The following SGCD variants were observed in gnomAD, a reference collection of about 807,000 sequenced individuals.
The protein encoded by SGCD is sarcoglycan delta.
In SGCD, 18 loss-of-function variants were observed where a neutral mutation model predicts 36.6. The observed-to-expected ratio is 0.49, with a 90% CI of 0.34 to 0.73. The LOEUF is 0.73. Among genes scored for constraint, SGCD ranks in the 30% least tolerant of loss-of-function variants. The pLI is 0.01. For missense variants in SGCD, 387 were observed against 346.7 expected, an observed-to-expected ratio of 1.12 and a Z score of -0.92; for synonymous variants, 133 against 130.6, an observed-to-expected ratio of 1.02 and a Z score of -0.12.
chr5:155,782,429 A>T, the SGCD span, among the ~76,000 whole-genome samples: 7 of 152,308 alleles, frequency 4.6e-5, no homozygotes, highest in Middle Eastern at 3.4e-3. Flanking sequence ...ACAAAACAAA[A>T]AAAACACTTC....
chr5:156,356,814 G>C (rs73815040), intron 3 of SGCD, among the ~76,000 whole-genome samples: 3,880 of 152,262 alleles, frequency 0.025, 160 homozygotes, highest in African/African-American at 0.088. Context: ...AATGACAAGT[G>C]TCCTCATAAC....
chr5:156,351,867 A>G (rs1215279626), intron 3 of SGCD, among the ~76,000 whole-genome samples: 1 of 152,084 alleles, frequency 6.6e-6, no homozygotes, highest in East Asian at 1.9e-4. Context: ...CTAGTTTGTC[A>G]TATTGTGGGG....
At chr5:156,755,301 G>A (rs573630379) in intron 7 of SGCD, among the ~76,000 whole-genome samples, 1 of 152,326 alleles carries the variant, frequency 6.6e-6, no homozygotes, top group South Asian at 2.1e-4. Context: ...AGTGACACTG[G>A]TAAGAGGTGA....
intron 3 of SGCD, among the ~76,000 whole-genome samples, chr5:156,435,508 G>C (rs574175775): frequency 1.3e-5 from 2 of 152,190 alleles, no homozygotes; most frequent in East Asian, 3.9e-4. Flanking sequence ...TTTATTTCTT[G>C]GTGTGGAATC....
intron 1 of SGCD, among the ~76,000 whole-genome samples, chr5:156,057,815 A>C (rs1760099360): frequency 6.8e-6 from 1 of 146,082 alleles, no homozygotes; most frequent in Admixed American, 6.9e-5. Context: ...GTTTAAAACC[A>C]TGAGTACCTA....
At chr5:155,890,114 A>G (rs982702131) in intron 1 of SGCD, among the ~76,000 whole-genome samples, 2 of 152,130 alleles carry the variant, frequency 1.3e-5, no homozygotes. Flanking sequence ...TTTAATACTC[A>G]TGGCTATATT....
At chr5:155,971,416 C>T (rs1419161351) in intron 1 of SGCD, among the ~76,000 whole-genome samples, 1 of 152,068 alleles carries the variant, frequency 6.6e-6, no homozygotes, top group East Asian at 1.9e-4. Context: ...AACAGCAGTA[C>T]CACCTAGGAG....
chr5:155,759,155 T>C, the SGCD span, among the ~76,000 whole-genome samples: 1 of 152,162 alleles, frequency 6.6e-6, no homozygotes. Context: ...CTTTTCAAGA[T>C]TTGATGAAGC....
At chr5:155,957,061 G>A (rs941746833) in intron 1 of SGCD, among the ~76,000 whole-genome samples, 5 of 152,056 alleles carry the variant, frequency 3.3e-5, no homozygotes, top group African/African-American at 4.8e-5. Flanking sequence ...GGTGATAGGA[G>A]TGCAGAAGTG....
At chr5:156,378,948 C>A (rs1198760006) in intron 3 of SGCD, among the ~76,000 whole-genome samples, 2 of 152,118 alleles carry the variant, frequency 1.3e-5, no homozygotes, top group Non-Finnish European at 2.9e-5. Context: ...TATGATGAAT[C>A]ACTTTTTAAT....
At chr5:156,133,964 T>A (rs1313128606) in intron 3 of SGCD, among the ~76,000 whole-genome samples, 1 of 130,556 alleles carries the variant, frequency 7.7e-6, no homozygotes, top group African/African-American at 3.0e-5. Context: ...CACACACAGT[T>A]TCTCTCTGTC....
chr5:156,473,688 A>G (rs1755063907), intron 3 of SGCD, among the ~76,000 whole-genome samples: 1 of 152,182 alleles, frequency 6.6e-6, no homozygotes, highest in Non-Finnish European at 1.5e-5. Flanking sequence ...CAAAAGAATT[A>G]CCCAAGGACT....
At chr5:155,798,793 C>T in the SGCD span, among the ~76,000 whole-genome samples, 1 of 152,126 alleles carries the variant, frequency 6.6e-6, no homozygotes, top group Non-Finnish European at 1.5e-5. Flanking sequence ...CCTGTGTCTG[C>T]TGCCTGTGAC....
At chr5:156,607,759 C>A (rs997191244) in intron 6 of SGCD, among the ~76,000 whole-genome samples, 5 of 152,108 alleles carry the variant, frequency 3.3e-5, no homozygotes, top group African/African-American at 1.2e-4. Flanking sequence ...CAACTTCTTC[C>A]TGGTTTAGTC....
At position 156,344,990 on chromosome 5, in the gene SGCD, G is replaced by T. The variant is rs566120017; in HGVS notation, c.192+313G>T. On this transcript the variant is annotated intron_variant, in intron 3 of 8. Transcript: ENST00000337851. ...TCAAGCACTTTGATTAAATAATTAA[G>T]CAATAGAGAATAAATTCAAAGTATT... Among the ~76,000 whole-genome samples, 11 of 152,226 alleles carry T rather than the reference G, an allele frequency of 7.2e-5. 1 individual carries two copies. The South Asian group carries it at 2.3e-3, about 32-fold the overall frequency.
intron 7 of SGCD, among the ~76,000 whole-genome samples, chr5:156,732,542 T>C (rs1756133708): frequency 6.6e-6 from 1 of 152,200 alleles, no homozygotes; most frequent in Admixed American, 6.6e-5. Context: ...TCATCAAAGA[T>C]ATTGGCCTGA....
the SGCD span, among the ~76,000 whole-genome samples, chr5:155,739,943 A>G: frequency 6.6e-6 from 1 of 152,216 alleles, no homozygotes; most frequent in Non-Finnish European, 1.5e-5. Context: ...AGCATGGGGA[A>G]TTACTACTAG....
intron 3 of SGCD, among the ~76,000 whole-genome samples, chr5:156,416,088 CT>C (rs1773014207): frequency 6.6e-6 from 1 of 152,168 alleles, no homozygotes; most frequent in Non-Finnish European, 1.5e-5. Context: ...ATTTGTCCTC[CT>C]TTTAACTATG....
intron 1 of SGCD, among the ~76,000 whole-genome samples, chr5:156,093,219 A>G (rs1012864926): frequency 9.2e-5 from 14 of 152,178 alleles, no homozygotes; most frequent in African/African-American, 3.1e-4. Context: ...TTTGCTACCC[A>G]GAGTCATGTG....
Sources: gnomAD v4.1 joint callset for allele counts (sites outside exome capture counted in the v4.1 genomes callset) on GRCh38, gnomAD v4.1.1 for gene constraint, MANE v1.5 for transcripts, NCBI Gene and HGNC (gene_info 2026-07-23, HGNC 2026-07-21) for gene names.